Variants in JMJD1C observed in about 807,000 individuals in gnomAD.
JMJD1C encodes the protein jumonji domain containing 1C, also known as jumonji domain-containing protein 1C.
A neutral mutation model predicts 245.3 loss-of-function variants in JMJD1C; 31 were observed. The ratio of observed to expected loss-of-function variants is 0.13; its 90% confidence interval spans 0.09 to 0.17. The LOEUF (loss-of-function observed/expected upper bound fraction) is 0.17. Among genes scored for constraint, JMJD1C ranks in the 10% least tolerant of loss-of-function variants. The pLI, the probability that JMJD1C is intolerant of heterozygous loss-of-function variation, is 1.00. For missense variants in JMJD1C, 2,691 were observed against 3,000.2 expected (o/e 0.90, Z 2.41); for synonymous variants, 1,057 against 1,017.4 (o/e 1.04, Z -0.74).
chr10:63,278,412 G>C (rs1361043630), intron 2 of JMJD1C, among the ~76,000 whole-genome samples: 1 of 151,792 alleles, frequency 6.6e-6, no homozygotes, highest in Non-Finnish European at 1.5e-5. Flanking sequence ...TGTAGTCCCA[G>C]CTACTTGGGA....
chr10:63,380,480 C>A lies in JMJD1C; in HGVS notation c.171G>T (p.Val57=). The A allele has an allele frequency of 6.2e-7, 1 of 1,605,704 alleles. No individual in the cohort carries two copies. The highest frequency in any genetic ancestry group is 8.5e-7 in the Non-Finnish European group (1 of 1,176,850). Residue 57 remains valine, a splice_region_variant and synonymous_variant, in exon 2 of 26, where the codon GTG becomes GTT. Coordinates refer to ENST00000399262, the MANE Select transcript of JMJD1C (RefSeq NM_032776.3). ...ATTCAAGATCATCAAATTCCACATA[C>A]ACCTATGAAAACAAAAACACAAAAT... The part of the protein sequence containing the change: ...HRDSRNPDLA[V]YVEFDDLEWD...
At chr10:63,235,620 T>C (rs1323700420) in intron 3 of JMJD1C, among the ~76,000 whole-genome samples, 5 of 152,242 alleles carry the variant, frequency 3.3e-5, no homozygotes, top group Non-Finnish European at 7.3e-5. Flanking sequence ...CCACTGTAAA[T>C]TAAAAGATTT....
chr10:63,476,134 T>C (rs1020659434), intron 1 of JMJD1C, among the ~76,000 whole-genome samples: 2 of 151,722 alleles, frequency 1.3e-5, no homozygotes, highest in Non-Finnish European at 2.9e-5. Flanking sequence ...TCCTTGAGCC[T>C]GGGAGGAAGA....
intron 1 of JMJD1C, among the ~76,000 whole-genome samples, chr10:63,408,150 T>A (rs1173569352): frequency 6.6e-6 from 1 of 152,130 alleles, no homozygotes; most frequent in Admixed American, 6.5e-5. Flanking sequence ...ATGCCTGTAA[T>A]CCCAGCACTA....
intron 2 of JMJD1C, among the ~76,000 whole-genome samples, chr10:63,345,778 T>C (rs1011263797): frequency 5.3e-5 from 8 of 152,232 alleles, no homozygotes; most frequent in East Asian, 3.9e-4. Context: ...ACTCAAAAAA[T>C]TGTACATGGT....
intron 3 of JMJD1C, among the ~76,000 whole-genome samples, chr10:63,254,178 T>C (rs1186962513): frequency 1.3e-5 from 2 of 151,888 alleles, no homozygotes; most frequent in Admixed American, 6.6e-5. Context: ...AATACCCATA[T>C]GCACAACCAA....
chr10:63,444,342 C>T (rs1276533093), intron 1 of JMJD1C, among the ~76,000 whole-genome samples: 2 of 152,242 alleles, frequency 1.3e-5, no homozygotes, highest in Admixed American at 6.5e-5. Context: ...GGCACAATCT[C>T]GACTCACCGC....
chr10:63,214,527 G>C lies in JMJD1C; in HGVS notation c.1640C>G (p.Ser547Cys), dbSNP rs1847744845. The stretch of plus-strand genomic sequence containing the variant: ...TTCCAAGAATTTTGCATTTGCAATA[G>C]AGTGTTTTGAATCACTAACATTAGG... ...MDPNVSDSKH[S>C]IANAKFLETA... Residue 547 changes from serine to cysteine, a missense_variant, in exon 8 of 26, where the codon TCT (serine) becomes TGT (cysteine). By Grantham distance (112) the Ser-to-Cys change is moderately radical (BLOSUM62 -1). Around this residue, in one of 9 missense-constraint regions of JMJD1C, gnomAD observed 1,562 missense variants for 1,490.7 expected, o/e 1.05. Coordinates refer to ENST00000399262, the MANE Select transcript of JMJD1C (RefSeq NM_032776.3). 1.2e-6 allele frequency: 2 copies of C among 1,613,928 alleles called. No homozygotes were observed. Among genetic ancestry groups the C allele is most frequent in the Non-Finnish European group, 8.5e-7 (1 of 1,179,994 alleles).
intron 2 of JMJD1C, among the ~76,000 whole-genome samples, chr10:63,335,932 G>T (rs12219332): frequency 6.6e-6 from 1 of 151,754 alleles, no homozygotes; most frequent in African/African-American, 2.4e-5. Flanking sequence ...AACAGCCTGG[G>T]CAACATGGTG....
intron 1 of JMJD1C, among the ~76,000 whole-genome samples, chr10:63,414,710 A>G (rs1174912618): frequency 1.3e-5 from 2 of 152,048 alleles, no homozygotes; most frequent in Non-Finnish European, 2.9e-5. Context: ...CAACATGGTG[A>G]AACTTCATCT....
chr10:63,252,417 T>G (rs1853216928), intron 3 of JMJD1C, among the ~76,000 whole-genome samples: 2 of 152,094 alleles, frequency 1.3e-5, no homozygotes, highest in African/African-American at 4.8e-5. Flanking sequence ...GTTGAAGGCC[T>G]TAAGAAAAAA....
intron 2 of JMJD1C, among the ~76,000 whole-genome samples, chr10:63,328,201 G>A (rs1362127068): frequency 1.3e-5 from 2 of 151,770 alleles, no homozygotes; most frequent in Non-Finnish European, 2.9e-5. Flanking sequence ...TTTGAACCCC[G>A]AAGTTGGAGG....
At chr10:63,186,176 A>T in intron 19 of JMJD1C, 39 bp downstream of exon 19, 1 of 1,418,022 alleles carries the variant, frequency 7.1e-7, no homozygotes, top group Non-Finnish European at 9.8e-7. Flanking sequence ...ATTTTGAAGG[A>T]GTATGATGGA....
At chr10:63,295,857 T>A (rs1859310755) in intron 2 of JMJD1C, among the ~76,000 whole-genome samples, 1 of 151,344 alleles carries the variant, frequency 6.6e-6, no homozygotes. Flanking sequence ...ATGTTTCATG[T>A]GTGTTTCTGC....
At chr10:63,355,147 C>T (rs762436810) in intron 2 of JMJD1C, among the ~76,000 whole-genome samples, 3 of 151,728 alleles carry the variant, frequency 2.0e-5, no homozygotes, top group Non-Finnish European at 2.9e-5. Flanking sequence ...CTGCCATGTT[C>T]CAACTTATCT....
Position 63,391,508 on chromosome 10 carries a change from T to TCAACAACAACAA in JMJD1C, c.169-11038_169-11027dup, listed in dbSNP as rs140504932. ...CTGGGCGACAGAGTGAGACTCCGTC[T>TCAACAACAACAA]CAACAACAACAACAACAACAACAAC... On this transcript the variant is annotated intron_variant, in intron 1 of 25. Coordinates refer to ENST00000399262, the MANE Select transcript of JMJD1C (RefSeq NM_032776.3). 1.0e-4 allele frequency among the ~76,000 whole-genome samples: 15 copies of TCAACAACAACAA among 149,288 alleles called. 1 individual carries two copies. The highest frequency in any genetic ancestry group is 6.4e-4 in the South Asian group (3 of 4,658).
At chr10:63,245,478 CT>C (rs71025134) in intron 3 of JMJD1C, among the ~76,000 whole-genome samples, 64 of 90,194 alleles carry the variant, frequency 7.1e-4, no homozygotes, top group South Asian at 3.7e-3. Context: ...CAGGGGAACT[CT>C]TTTTTTTTTT....
chr10:63,405,908 T>G (rs1319255124), intron 1 of JMJD1C, among the ~76,000 whole-genome samples: 2 of 152,142 alleles, frequency 1.3e-5, no homozygotes, highest in Non-Finnish European at 2.9e-5. Flanking sequence ...AAAGGACATA[T>G]ATATAACAGG....
At chr10:63,301,554 C>T (rs1158803996) in intron 2 of JMJD1C, among the ~76,000 whole-genome samples, 1 of 152,168 alleles carries the variant, frequency 6.6e-6, no homozygotes, top group East Asian at 1.9e-4. Flanking sequence ...CAAACTAACA[C>T]AGGAACAGAA....
Sources: gnomAD v4.1 joint callset for allele counts (sites outside exome capture counted in the v4.1 genomes callset) on GRCh38, gnomAD v4.1.1 for gene constraint, gnomAD v4.1.1 regional missense constraint, MANE v1.5 for transcripts, NCBI Gene and HGNC (gene_info 2026-07-23, HGNC 2026-07-21) for gene names.